REDIC1: variants seen among roughly 807,000 people sequenced by gnomAD.
REDIC1 encodes the protein regulator of DNA class I crossover intermediates 1, also known as HEI10 Interacting Protein 1.
At chr12:39,873,976 T>A in the REDIC1 span, among the ~76,000 whole-genome samples, 1 of 152,230 alleles carries the variant, frequency 6.6e-6, no homozygotes, top group South Asian at 2.1e-4. Flanking sequence ...TGTGAATTAC[T>A]AAGATCCCAC....
the REDIC1 span, among the ~76,000 whole-genome samples, chr12:39,794,398 G>A: frequency 6.6e-6 from 1 of 152,124 alleles, no homozygotes; most frequent in Non-Finnish European, 1.5e-5. Context: ...ATTACATTTG[G>A]CCTAGAGCTG....
chr12:39,744,982 G>T, the REDIC1 span, among the ~76,000 whole-genome samples: 1 of 152,138 alleles, frequency 6.6e-6, no homozygotes, highest in African/African-American at 2.4e-5. Flanking sequence ...TTAAAAGTAA[G>T]AAGATGGTTA....
At chr12:39,712,063 T>TGTATATATACAC in the REDIC1 span, among the ~76,000 whole-genome samples, 1 of 103,970 alleles carries the variant, frequency 9.6e-6, no homozygotes, top group Admixed American at 9.9e-5. Context: ...TATATATACA[T>TGTATATATACAC]GTATATATAC....
chr12:39,821,620 A>G, the REDIC1 span, among the ~76,000 whole-genome samples: 1 of 152,156 alleles, frequency 6.6e-6, no homozygotes, highest in African/African-American at 2.4e-5. Flanking sequence ...CCTGTGACCA[A>G]ATCTAATGGA....
the REDIC1 span, among the ~76,000 whole-genome samples, chr12:39,743,606 A>G: frequency 6.6e-6 from 1 of 152,202 alleles, no homozygotes; most frequent in Non-Finnish European, 1.5e-5. Flanking sequence ...TAGACAACAT[A>G]AAAGAACAGA....
At chr12:39,819,638 A>G in the REDIC1 span, 1 of 152,204 alleles carries the variant, frequency 6.6e-6, no homozygotes, top group Admixed American at 6.5e-5. Flanking sequence ...TAAAAGGAAC[A>G]TTCATTTCTT....
the REDIC1 span, among the ~76,000 whole-genome samples, chr12:39,902,123 A>T: frequency 6.8e-6 from 1 of 146,686 alleles, no homozygotes; most frequent in Non-Finnish European, 1.5e-5. Flanking sequence ...GTTCTCACTC[A>T]TAGGTGGGAA....
chr12:39,789,687 CT>C, the REDIC1 span, among the ~76,000 whole-genome samples: 1 of 152,142 alleles, frequency 6.6e-6, no homozygotes, highest in Admixed American at 6.6e-5. Flanking sequence ...ACAGAGAACT[CT>C]ATACTACAAC....
chr12:39,885,940 T>G, the REDIC1 span, among the ~76,000 whole-genome samples: 1 of 152,216 alleles, frequency 6.6e-6, no homozygotes, highest in Non-Finnish European at 1.5e-5. Flanking sequence ...CCAGTTTGTA[T>G]AGATATCACT....
At chr12:39,679,240 T>C in the REDIC1 span, among the ~76,000 whole-genome samples, 1 of 152,100 alleles carries the variant, frequency 6.6e-6, no homozygotes, top group African/African-American at 2.4e-5. Flanking sequence ...AATGACATAA[T>C]AGTATACCTG....
chr12:39,712,179 T>TGTATGTATATGTACATGTATATATACCG, the REDIC1 span, among the ~76,000 whole-genome samples: 1 of 140,054 alleles, frequency 7.1e-6, no homozygotes, highest in Non-Finnish European at 1.5e-5. Context: ...TATATATACC[T>TGTATGTATATGTACATGTATATATACCG]GTATGTATAT....
the REDIC1 span, among the ~76,000 whole-genome samples, chr12:39,629,034 A>T: frequency 6.6e-6 from 1 of 152,224 alleles, no homozygotes; most frequent in East Asian, 1.9e-4. Flanking sequence ...AAAGTACCAC[A>T]AAAAAGGGCT....
the REDIC1 span, among the ~76,000 whole-genome samples, chr12:39,880,916 G>A: frequency 6.6e-5 from 10 of 152,124 alleles, no homozygotes; most frequent in Admixed American, 3.3e-4. Context: ...CTATTAATTC[G>A]TTCTATAAAA....
the REDIC1 span, among the ~76,000 whole-genome samples, chr12:39,699,693 G>C: frequency 1.8e-3 from 277 of 152,346 alleles, no homozygotes; most frequent in African/African-American, 5.9e-3. Flanking sequence ...AAATGTCCCT[G>C]TCTGACAGCT....
chr12:39,646,501 C>G, the REDIC1 span: 1 of 1,506,474 alleles, frequency 6.6e-7, no homozygotes, highest in Non-Finnish European at 8.9e-7. Context: ...GGTGTTTAAA[C>G]TGGTTATTAA....
the REDIC1 span, among the ~76,000 whole-genome samples, chr12:39,842,780 T>A: frequency 6.6e-6 from 1 of 151,978 alleles, no homozygotes; most frequent in Non-Finnish European, 1.5e-5. Flanking sequence ...CAATTCCCAC[T>A]TTTCATCACC....
the REDIC1 span, among the ~76,000 whole-genome samples, chr12:39,727,546 T>A: frequency 6.6e-6 from 1 of 152,106 alleles, no homozygotes; most frequent in Non-Finnish European, 1.5e-5. Context: ...TTGTTTTGGT[T>A]ACTGTAGCCT....
At chr12:39,903,784 CA>C in the REDIC1 span, among the ~76,000 whole-genome samples, 3 of 152,040 alleles carry the variant, frequency 2.0e-5, no homozygotes. Flanking sequence ...TTATGAGAAT[CA>C]AATAATTCCC....
the REDIC1 span, chr12:39,907,801 G>T: frequency 1.3e-5 from 2 of 152,158 alleles, no homozygotes; most frequent in Non-Finnish European, 2.9e-5. Context: ...CCACTGGAAT[G>T]AACCTGCCTG....
Sources: gnomAD v4.1 joint callset for allele counts (sites outside exome capture counted in the v4.1 genomes callset) on GRCh38, gnomAD v4.1.1 for gene constraint, MANE v1.5 for transcripts, NCBI Gene and HGNC (gene_info 2026-07-23, HGNC 2026-07-21) for gene names.